ATL1: variants seen among roughly 807,000 people sequenced by gnomAD.
ATL1 encodes atlastin GTPase 1, also known as atlastin-1.
A neutral mutation model predicts 75.5 loss-of-function variants in ATL1; 31 were observed. The ratio of observed to expected loss-of-function variants is 0.41; its 90% CI spans 0.31 to 0.55. The LOEUF (loss-of-function observed/expected upper bound fraction) is 0.55, where lower values mean the gene tolerates loss of function less well. Among genes scored for constraint, ATL1 ranks in the 20% least tolerant of loss-of-function variants. The pLI, the probability that ATL1 is intolerant of heterozygous loss-of-function variation, is 0.27. For synonymous variants in ATL1, 226 were observed against 233.3 expected (o/e 0.97, Z 0.28); for missense variants, 405 against 662.6 (o/e 0.61, Z 4.27).
At chr14:50,574,495 A>T (rs1051434249) in intron 1 of ATL1, among the ~76,000 whole-genome samples, 20 of 152,212 alleles carry the variant, frequency 1.3e-4, no homozygotes, top group African/African-American at 4.8e-4. Flanking sequence ...TTCAGCACAA[A>T]GAGTAATCAT....
chr14:50,627,982 C>G, intron 11 of ATL1, 49 bp from the exon 12 acceptor site: 3 of 1,596,356 alleles, frequency 1.9e-6, no homozygotes, highest in Non-Finnish European at 2.6e-6. Context: ...GATACAGTTG[C>G]CAATTTTACT....
chr14:50,587,788 C>G (rs1406293144), intron 1 of ATL1, 43 bp from the exon 2 acceptor site: 1 of 1,613,798 alleles, frequency 6.2e-7, no homozygotes, highest in Non-Finnish European at 8.5e-7. Flanking sequence ...TTTCTTGGCA[C>G]TTTGAGATGA....
chr14:50,561,869 G>A (rs561861861), intron 1 of ATL1, among the ~76,000 whole-genome samples: 3 of 152,152 alleles, frequency 2.0e-5, no homozygotes, highest in African/African-American at 7.2e-5. Flanking sequence ...TCTAGAATAG[G>A]AATTTATTGA....
At chr14:50,618,515 C>T (rs1402031254) in intron 8 of ATL1, among the ~76,000 whole-genome samples, 1 of 152,108 alleles carries the variant, frequency 6.6e-6, no homozygotes, top group Non-Finnish European at 1.5e-5. Flanking sequence ...CAAAGTGGCA[C>T]AAAACATGAA....
At chr14:50,613,999 T>C (rs1281617892) in intron 7 of ATL1, among the ~76,000 whole-genome samples, 1 of 152,174 alleles carries the variant, frequency 6.6e-6, no homozygotes, top group African/African-American at 2.4e-5. Flanking sequence ...GCCTTGAATA[T>C]CTACTAAAAA....
chr14:50,629,515 A>C (rs2039557319), intron 12 of ATL1, among the ~76,000 whole-genome samples: 1 of 145,246 alleles, frequency 6.9e-6, no homozygotes, highest in Admixed American at 7.0e-5. Context: ...CAGAAGGCGG[A>C]GGTTGCACTG....
At chr14:50,601,022 C>A (rs774735180) in intron 6 of ATL1, among the ~76,000 whole-genome samples, 1 of 152,124 alleles carries the variant, frequency 6.6e-6, no homozygotes, top group African/African-American at 2.4e-5. Context: ...GTGGGAGGAT[C>A]ACTTGAGCCC....
intron 1 of ATL1, among the ~76,000 whole-genome samples, chr14:50,550,635 A>C (rs938160724): frequency 6.6e-6 from 1 of 152,262 alleles, no homozygotes; most frequent in Non-Finnish European, 1.5e-5. Context: ...ACTAAAAGAT[A>C]TGTGCCCTTA....
intron 1 of ATL1, among the ~76,000 whole-genome samples, chr14:50,544,601 G>A (rs1185284102): frequency 6.6e-6 from 1 of 152,066 alleles, no homozygotes; most frequent in East Asian, 1.9e-4. Context: ...GACTAGAATG[G>A]CAACTGCCAT....
chr14:50,551,443 C>T (rs1437528357), intron 1 of ATL1, among the ~76,000 whole-genome samples: 1 of 151,918 alleles, frequency 6.6e-6, no homozygotes, highest in Non-Finnish European at 1.5e-5. Flanking sequence ...TTGTATCAGA[C>T]ATTCAAAGAA....
intron 8 of ATL1, among the ~76,000 whole-genome samples, chr14:50,617,057 A>G (rs1315200823): frequency 6.6e-6 from 1 of 152,212 alleles, no homozygotes; most frequent in African/African-American, 2.4e-5. Context: ...AGTTTCTCAT[A>G]TACTCTTTCA....
At chr14:50,560,142 C>T (rs1327210444), upstream of ATL1, 1 of 1,167,522 alleles carries the variant, frequency 8.6e-7, no homozygotes, top group Non-Finnish European at 1.3e-6. Context: ...CAGCAACATC[C>T]TCAGAGTCTG....
At chr14:50,574,937 G>GTGTATATA (rs1475087119) in intron 1 of ATL1, among the ~76,000 whole-genome samples, 8 of 23,156 alleles carry the variant, frequency 3.5e-4, no homozygotes, top group African/African-American at 9.4e-4. Context: ...GTGTGTGTGT[G>GTGTATATA]TATATATATA....
chr14:50,534,021 A>G (rs2038459370), intron 1 of ATL1, among the ~76,000 whole-genome samples: 1 of 152,088 alleles, frequency 6.6e-6, no homozygotes, highest in African/African-American at 2.4e-5. Context: ...GATTCTTGGC[A>G]CTTGTTTTGG....
chr14:50,542,006 C>CAAAAAAAAA (rs59075218), intron 1 of ATL1, among the ~76,000 whole-genome samples: 1 of 62,476 alleles, frequency 1.6e-5, no homozygotes. Flanking sequence ...GATTCCGTCT[C>CAAAAAAAAA]AAAAAAAAAA....
At chr14:50,564,647 CAAAAAA>C (rs60054322) in intron 1 of ATL1, among the ~76,000 whole-genome samples, 2 of 40,002 alleles carry the variant, frequency 5.0e-5, no homozygotes, top group African/African-American at 1.1e-4. Context: ...GATTCCGTCT[CAAAAAA>C]AAAAAAAAAA....
intron 1 of ATL1, among the ~76,000 whole-genome samples, chr14:50,549,561 G>A (rs1369133678): frequency 1.3e-5 from 2 of 152,116 alleles, no homozygotes; most frequent in Admixed American, 6.5e-5. Flanking sequence ...CAACAATTGG[G>A]GCCTTCCCAA....
At chr14:50,618,162 C>T (rs1426476822) in intron 8 of ATL1, among the ~76,000 whole-genome samples, 1 of 152,084 alleles carries the variant, frequency 6.6e-6, no homozygotes, top group Non-Finnish European at 1.5e-5. Context: ...AAGAAGAAAA[C>T]TTTGTTTTAT....
chr14:50,553,772 T>G (rs562931654), intron 1 of ATL1, among the ~76,000 whole-genome samples: 1 of 152,264 alleles, frequency 6.6e-6, no homozygotes, highest in South Asian at 2.1e-4. Context: ...TACTCAGCCA[T>G]AAAACAGAAC....
Sources: gnomAD v4.1 joint callset for allele counts (sites outside exome capture counted in the v4.1 genomes callset) on GRCh38, gnomAD v4.1.1 for gene constraint, MANE v1.5 for transcripts, NCBI Gene and HGNC (gene_info 2026-07-23, HGNC 2026-07-21) for gene names.